The following IL1RAPL1 variants were observed in gnomAD, a reference collection of about 807,000 sequenced individuals.
IL1RAPL1 encodes the protein interleukin 1 receptor accessory protein like 1.
IL1RAPL1 carries 3 observed loss-of-function variants against 48.4 expected under a neutral mutation model. The observed-to-expected ratio is 0.06, with a 90% confidence interval of 0.03 to 0.16. The LOEUF (loss-of-function observed/expected upper bound fraction) is 0.16, where lower values mean the gene tolerates loss of function less well. Ranked by LOEUF, IL1RAPL1 falls within the 10% of genes least tolerant of loss-of-function variation. The pLI is 1.00. For synonymous variants in IL1RAPL1, 185 were observed against 187.7 expected, an observed-to-expected ratio of 0.99 and a Z score of 0.12; for missense variants, 349 against 530.6, an observed-to-expected ratio of 0.66 and a Z score of 3.36.
At chrX:29,293,201 A>G (rs543395983) in intron 3 of IL1RAPL1, among the ~76,000 whole-genome samples, 1 of 112,137 alleles carries the variant, frequency 8.9e-6, no homozygotes, top group Admixed American at 9.5e-5. Context: ...AGTAAAAGCC[A>G]AGAGCTGTGT....
chrX:29,360,002 A>G (rs929012997), intron 3 of IL1RAPL1, among the ~76,000 whole-genome samples: 4 of 111,182 alleles, frequency 3.6e-5, no homozygotes, highest in African/African-American at 1.3e-4. Flanking sequence ...TCCAAATGCT[A>G]TTCTCATCTC....
At chrX:29,714,475 G>A (rs928769215) in intron 6 of IL1RAPL1, among the ~76,000 whole-genome samples, 9 of 111,807 alleles carry the variant, frequency 8.0e-5, no homozygotes, top group Non-Finnish European at 1.3e-4. Context: ...TGGAAATTCC[G>A]TAACAAAGAT....
At chrX:28,967,299 A>G (rs1342580876) in intron 2 of IL1RAPL1, among the ~76,000 whole-genome samples, 1 of 111,366 alleles carries the variant, frequency 9.0e-6, no homozygotes, top group Admixed American at 9.6e-5. Flanking sequence ...ACTATTGGCC[A>G]CAATCAGTTT....
intron 6 of IL1RAPL1, among the ~76,000 whole-genome samples, chrX:29,701,602 C>A (rs57834704): frequency 0.079 from 8,742 of 110,793 alleles, 286 homozygotes; most frequent in Middle Eastern, 0.26. Context: ...AGAATATAAA[C>A]GAATCTAGAA....
chrX:29,640,193 A>T (rs2147084776), intron 5 of IL1RAPL1, among the ~76,000 whole-genome samples: 1 of 112,487 alleles, frequency 8.9e-6, no homozygotes, highest in Admixed American at 9.4e-5. Context: ...AGTACTAGCT[A>T]CTTTGGGTGT....
intron 2 of IL1RAPL1, among the ~76,000 whole-genome samples, chrX:29,164,756 A>AT (rs953159439): frequency 9.1e-6 from 1 of 109,931 alleles, no homozygotes; most frequent in Non-Finnish European, 1.9e-5. Context: ...TAAGCCTCCC[A>AT]TTTTTTCTTT....
At chrX:29,206,751 AATAG>A (rs1216362781) in intron 2 of IL1RAPL1, among the ~76,000 whole-genome samples, 2 of 111,831 alleles carry the variant, frequency 1.8e-5, no homozygotes, top group Non-Finnish European at 3.8e-5. Context: ...TTTAATACCA[AATAG>A]ATCTAGTTTT....
At chrX:28,899,109 C>T (rs900725090) in intron 2 of IL1RAPL1, among the ~76,000 whole-genome samples, 5 of 111,310 alleles carry the variant, frequency 4.5e-5, no homozygotes, top group Non-Finnish European at 9.4e-5. Flanking sequence ...GTACCTTCTT[C>T]CCAAGGTGGC....
At chrX:28,731,808 T>G (rs1306988436) in intron 1 of IL1RAPL1, among the ~76,000 whole-genome samples, 1 of 112,000 alleles carries the variant, frequency 8.9e-6, no homozygotes, top group African/African-American at 3.2e-5. Flanking sequence ...AAAAGATTTT[T>G]AAGAAAGATG....
chrX:29,936,463 G>A (rs781061938), intron 8 of IL1RAPL1, among the ~76,000 whole-genome samples: 1 of 106,131 alleles, frequency 9.4e-6, no homozygotes, highest in East Asian at 3.0e-4. Flanking sequence ...CTACACAAAA[G>A]TAAGCCATCT....
At chrX:29,447,679 C>A (rs977713815) in intron 5 of IL1RAPL1, among the ~76,000 whole-genome samples, 1 of 111,744 alleles carries the variant, frequency 8.9e-6, no homozygotes, top group African/African-American at 3.2e-5. Context: ...CTTATGATGT[C>A]GAAACTTAGA....
At chrX:29,421,519 C>G (rs775029463) in intron 5 of IL1RAPL1, among the ~76,000 whole-genome samples, 1 of 107,772 alleles carries the variant, frequency 9.3e-6, no homozygotes, top group South Asian at 4.1e-4. Context: ...TAGCAAAAAA[C>G]ATACACAGGA....
chrX:29,532,308 G>T lies in IL1RAPL1; in HGVS notation c.703+133000G>T, dbSNP rs73219661. Among the ~76,000 whole-genome samples, 578 of 112,093 alleles carry T rather than the reference G, an allele frequency of 5.2e-3. 4 individuals carry two copies. The highest frequency in any genetic ancestry group is 8.7e-3 in the Non-Finnish European group (461 of 53,178). ...GCGTGAGCTAAGGTTGGGAGGAAATGAGAAGGGAGAAAAGGATGAAGAGTT... is the reference window on the plus strand; with the variant it reads ...GCGTGAGCTAAGGTTGGGAGGAAATTAGAAGGGAGAAAAGGATGAAGAGTT... On this transcript the variant is annotated intron_variant, in intron 5 of 10. Coordinates refer to ENST00000378993, the MANE Select transcript of IL1RAPL1 (RefSeq NM_014271.4).
intron 1 of IL1RAPL1, among the ~76,000 whole-genome samples, chrX:28,664,570 A>G (rs1265770247): frequency 2.7e-5 from 3 of 111,536 alleles, no homozygotes; most frequent in South Asian, 7.5e-4. Flanking sequence ...ACTTTGTCCA[A>G]TCATTCCCGA....
chrX:29,271,907 TA>T (rs1254439151), intron 2 of IL1RAPL1, among the ~76,000 whole-genome samples: 3 of 112,100 alleles, frequency 2.7e-5, no homozygotes, highest in African/African-American at 9.7e-5. Flanking sequence ...CTCTTTAGTT[TA>T]ATTAGGTCCC....
At chrX:28,821,529 A>G (rs987670383) in intron 2 of IL1RAPL1, among the ~76,000 whole-genome samples, 1 of 111,913 alleles carries the variant, frequency 8.9e-6, no homozygotes, top group Admixed American at 9.5e-5. Context: ...GTACACAGAA[A>G]TGCAGATATG....
chrX:28,966,946 G>C (rs907148735), intron 2 of IL1RAPL1, among the ~76,000 whole-genome samples: 1 of 111,790 alleles, frequency 8.9e-6, no homozygotes, highest in South Asian at 3.7e-4. Context: ...ACAAGAGGTG[G>C]CCAACTCAAT....
intron 2 of IL1RAPL1, among the ~76,000 whole-genome samples, chrX:29,277,588 T>G (rs920022889): frequency 1.8e-5 from 2 of 111,925 alleles, no homozygotes; most frequent in Non-Finnish European, 3.8e-5. Flanking sequence ...AGTTTGGGTT[T>G]GTTTGTTTGT....
intron 2 of IL1RAPL1, among the ~76,000 whole-genome samples, chrX:29,106,436 T>TA (rs1218459871): frequency 2.4e-4 from 26 of 108,276 alleles, no homozygotes; most frequent in Admixed American, 5.0e-4. Context: ...AGTGGGATTC[T>TA]AAAAAAAAAA....
Sources: allele counts gnomAD v4.1 joint callset (sites outside exome capture counted in the v4.1 genomes callset), GRCh38; gene constraint gnomAD v4.1.1; transcripts MANE v1.5; gene names NCBI Gene and HGNC (gene_info 2026-07-23, HGNC 2026-07-21).